The following HSF5 variants were observed in gnomAD, a reference collection of about 807,000 sequenced individuals.
HSF5 encodes heat shock transcription factor 5.
HSF5 carries 5 observed loss-of-function variants against 50.8 expected under a neutral mutation model. The observed-to-expected ratio is 0.10, with a 90% CI of 0.05 to 0.21. HSF5 has a LOEUF of 0.21. Among genes scored for constraint, HSF5 ranks in the 10% least tolerant of loss-of-function variants. The pLI is 1.00. For synonymous variants in HSF5, 307 were observed against 307.4 expected, an observed-to-expected ratio of 1.00 and a Z score of 0.02; for missense variants, 564 against 762.6, an observed-to-expected ratio of 0.74 and a Z score of 3.07.
intron 5 of HSF5, among the ~76,000 whole-genome samples, chr17:58,449,421 C>T (rs929392248): frequency 6.6e-6 from 1 of 152,200 alleles, no homozygotes; most frequent in African/African-American, 2.4e-5. Flanking sequence ...CACAATGTGC[C>T]GGGCACAGTG....
intron 2 of HSF5, chr17:58,476,518 T>C: frequency 4.0e-6 from 5 of 1,263,260 alleles, no homozygotes; most frequent in Non-Finnish European, 3.5e-6. Context: ...CTTATTCAGA[T>C]GAAATTCTTT....
At chr17:58,456,678 G>A (rs2143771633) in intron 5 of HSF5, among the ~76,000 whole-genome samples, 1 of 152,028 alleles carries the variant, frequency 6.6e-6, no homozygotes, top group South Asian at 2.1e-4. Context: ...TCATAAATAT[G>A]TACAATTATA....
intron 2 of HSF5, among the ~76,000 whole-genome samples, chr17:58,473,865 C>T (rs1441001315): frequency 6.6e-6 from 1 of 151,964 alleles, no homozygotes; most frequent in Non-Finnish European, 1.5e-5. Context: ...ATTTTTATAA[C>T]ACAATTTTTT....
At chr17:58,459,053 A>C (rs947680092) in intron 4 of HSF5, 108 bp from the exon 5 acceptor site, 57 of 949,458 alleles carry the variant, frequency 6.0e-5, no homozygotes, top group Non-Finnish European at 2.1e-5. Flanking sequence ...CCAACAAACA[A>C]GCTTATAAGG....
intron 1 of HSF5, among the ~76,000 whole-genome samples, chr17:58,482,941 TAAA>T (rs146166864): frequency 7.6e-6 from 1 of 131,190 alleles, no homozygotes; most frequent in Non-Finnish European, 1.6e-5. Context: ...CTCTGTCTTT[TAAA>T]AAAAAAAAAA....
chr17:58,444,930 G>A (rs1321711104), intron 5 of HSF5, among the ~76,000 whole-genome samples: 1 of 151,938 alleles, frequency 6.6e-6, no homozygotes, highest in African/African-American at 2.4e-5. Context: ...CAAAAGACTT[G>A]AATATACATT....
intron 5 of HSF5, among the ~76,000 whole-genome samples, chr17:58,454,607 T>C (rs576268602): frequency 7.9e-5 from 12 of 152,268 alleles, no homozygotes; most frequent in Non-Finnish European, 1.3e-4. Context: ...ACCAAAAAAA[T>C]TGGAACTAAT....
intron 4 of HSF5, 47 bp from the exon 5 acceptor site, chr17:58,458,992 TG>T: frequency 6.6e-7 from 1 of 1,505,168 alleles, no homozygotes; most frequent in East Asian, 2.3e-5. Context: ...TCCAAATATC[TG>T]CTAAAAGTTA....
chr17:58,425,773 T>C (rs982361193), intron 5 of HSF5, among the ~76,000 whole-genome samples: 8 of 152,124 alleles, frequency 5.3e-5, no homozygotes, highest in African/African-American at 9.7e-5. Context: ...GAGTAGTTAG[T>C]AGATAACTAG....
intron 3 of HSF5, among the ~76,000 whole-genome samples, chr17:58,466,404 C>A (rs1029026798): frequency 3.3e-5 from 5 of 152,162 alleles, no homozygotes; most frequent in African/African-American, 1.2e-4. Context: ...TTGGAAAAAT[C>A]CAGAACAGCA....
At chr17:58,456,139 G>GTA (rs1209600462) in intron 5 of HSF5, among the ~76,000 whole-genome samples, 4,643 of 141,074 alleles carry the variant, frequency 0.033, 222 homozygotes, top group African/African-American at 0.11. Flanking sequence ...ATGTGTGTGT[G>GTA]TATATATATA....
chr17:58,427,531 T>C (rs1231349869), intron 5 of HSF5, among the ~76,000 whole-genome samples: 1 of 152,204 alleles, frequency 6.6e-6, no homozygotes, highest in African/African-American at 2.4e-5. Flanking sequence ...CATGAGATTC[T>C]CTTATATTCA....
intron 2 of HSF5, among the ~76,000 whole-genome samples, chr17:58,468,599 A>G (rs1974903754): frequency 6.6e-6 from 1 of 152,182 alleles, no homozygotes; most frequent in Admixed American, 6.5e-5. Context: ...TTTAATCTTT[A>G]AAGGTAAATT....
intron 1 of HSF5, among the ~76,000 whole-genome samples, chr17:58,480,481 T>G (rs1975082417): frequency 6.6e-6 from 1 of 152,122 alleles, no homozygotes; most frequent in Non-Finnish European, 1.5e-5. Context: ...AGTGCGATAG[T>G]CATAAAAGAT....
At chr17:58,484,575 A>C (rs1975142561) in intron 1 of HSF5, among the ~76,000 whole-genome samples, 1 of 148,454 alleles carries the variant, frequency 6.7e-6, no homozygotes, top group South Asian at 2.2e-4. Flanking sequence ...CCTTATACCC[A>C]CCAGACATGC....
Position 58,422,229 on chromosome 17 carries a change from C to T in HSF5, c.*131G>A. Reference sequence around the variant, plus strand: ...TTCCCAATTCTCAATTAACAAAATTCTCAATTAACGAAACAAAAAATACTT... The same window carrying T: ...TTCCCAATTCTCAATTAACAAAATTTTCAATTAACGAAACAAAAAATACTT... On this transcript the variant is annotated 3_prime_UTR_variant, in exon 6 of 6. Coordinates refer to ENST00000323777, the MANE Select transcript of HSF5 (RefSeq NM_001080439.3). 1 of 645,066 alleles carries T rather than the reference C, an allele frequency of 1.6e-6. No individual in the cohort carries two copies. Among genetic ancestry groups the T allele is most frequent in the Non-Finnish European group, 2.7e-6 (1 of 372,298 alleles). The allele number at this position is 645,066 out of a possible 1,614,324, so 40.0% of individuals were successfully genotyped here.
intron 5 of HSF5, among the ~76,000 whole-genome samples, chr17:58,451,707 T>C (rs571110147): frequency 6.6e-6 from 1 of 152,240 alleles, no homozygotes; most frequent in East Asian, 1.9e-4. Context: ...GAGGGAAGTT[T>C]ATGGCAATAA....
chr17:58,442,608 G>A (rs759650706), intron 5 of HSF5, among the ~76,000 whole-genome samples: 24 of 152,166 alleles, frequency 1.6e-4, no homozygotes, highest in South Asian at 2.1e-4. Context: ...AGTTTTTCTC[G>A]TTTATATTGT....
At position 58,465,188 on chromosome 17, in the gene HSF5, T is replaced by C. The variant is rs796625794; in HGVS notation, c.1020+1697A>G. Reference sequence around the variant, plus strand: ...TCCTTCCTTTATTTCTTTTCTTTTTTTTTTTTTTTTTAAGAGATAGGGTCT... The same window carrying C: ...TCCTTCCTTTATTTCTTTTCTTTTTCTTTTTTTTTTTAAGAGATAGGGTCT... On this transcript the variant is annotated intron_variant, in intron 3 of 5. Transcript: ENST00000323777. Among the ~76,000 whole-genome samples, 8 of 138,036 alleles carry C rather than the reference T, an allele frequency of 5.8e-5. No homozygotes were observed. In the East Asian group the frequency reaches 1.6e-3, roughly 27 times the overall value. 90.6% of individuals were successfully genotyped at this position (138,036 alleles called of 152,430 possible). A position where few individuals can be genotyped will look rare whatever the true frequency, so the allele number is the denominator to read the frequency against.
Sources: allele counts gnomAD v4.1 joint callset (sites outside exome capture counted in the v4.1 genomes callset), GRCh38; gene constraint gnomAD v4.1.1; transcripts MANE v1.5; gene names NCBI Gene and HGNC (gene_info 2026-07-23, HGNC 2026-07-21).